PRKG1: variants seen among roughly 807,000 people sequenced by gnomAD.
PRKG1 encodes protein kinase cGMP-dependent 1.
In PRKG1, 35 loss-of-function variants were observed where a neutral mutation model predicts 88.1. The ratio of observed to expected loss-of-function variants is 0.40; its 90% confidence interval spans 0.30 to 0.53. The LOEUF is 0.53. Ranked by LOEUF, PRKG1 falls within the 20% of genes least tolerant of loss-of-function variation. PRKG1 has a pLI of 0.59. For synonymous variants in PRKG1, 303 were observed against 292.5 expected, an observed-to-expected ratio of 1.04 and a Z score of -0.37; for missense variants, 540 against 839.8, an observed-to-expected ratio of 0.64 and a Z score of 4.41.
intron 1 of PRKG1, among the ~76,000 whole-genome samples, chr10:51,090,483 T>G (rs1844373241): frequency 6.6e-6 from 1 of 152,108 alleles, no homozygotes; most frequent in African/African-American, 2.4e-5. Context: ...CATAATAATG[T>G]TATTTATTTT....
chr10:51,880,395 T>A (rs1283655579), intron 4 of PRKG1, among the ~76,000 whole-genome samples: 1 of 152,174 alleles, frequency 6.6e-6, no homozygotes, highest in African/African-American at 2.4e-5. Flanking sequence ...TGTCTGGGAC[T>A]AAGTCTACTG....
intron 3 of PRKG1, among the ~76,000 whole-genome samples, chr10:51,676,356 C>T (rs952999731): frequency 1.3e-5 from 2 of 151,244 alleles, no homozygotes; most frequent in African/African-American, 4.9e-5. Context: ...TTGGTTCAGG[C>T]CAAACAAAGA....
At position 52,180,282 on chromosome 10, in the gene PRKG1, T is replaced by C. The variant is rs113174427; in HGVS notation, c.1076+18319T>C. 1.3e-3 allele frequency among the ~76,000 whole-genome samples: 192 copies of C among 152,368 alleles called. 1 individual carries two copies. Among genetic ancestry groups the C allele is most frequent in the African/African-American group, 4.3e-3 (177 of 41,588 alleles). On this transcript the variant is annotated intron_variant, in intron 9 of 17. Coordinates refer to ENST00000373980, the MANE Select transcript of PRKG1 (RefSeq NM_006258.4). ...CTATTTGATTCTTAATATCTGTCTCTTTGTTGAATTTCTCATTCAAATCAT... is the reference window on the plus strand; with the variant it reads ...CTATTTGATTCTTAATATCTGTCTCCTTGTTGAATTTCTCATTCAAATCAT...
Position 51,009,824 on chromosome 10 carries a change from G to A in PRKG1, c.266+18180G>A, listed in dbSNP as rs536371330. On this transcript the variant is annotated intron_variant, in intron 1 of 17. Coordinates refer to the PRKG1 transcript ENST00000401604. Reference sequence around the variant, plus strand: ...ACAATGCATTGTTCAATATGGAATCGTACTTTTGGAAAGAAAATCTGCCAG... The same window carrying A: ...ACAATGCATTGTTCAATATGGAATCATACTTTTGGAAAGAAAATCTGCCAG... Among the ~76,000 whole-genome samples, 9 of 152,232 alleles carry A rather than the reference G, an allele frequency of 5.9e-5. No individual in the cohort carries two copies. In the East Asian group the frequency reaches 1.4e-3, roughly 23 times the overall value.
At chr10:51,944,913 G>A (rs1842990545) in intron 5 of PRKG1, among the ~76,000 whole-genome samples, 1 of 151,692 alleles carries the variant, frequency 6.6e-6, no homozygotes, top group South Asian at 2.1e-4. Flanking sequence ...GTGTGGTGCT[G>A]AAAAAAATGT....
chr10:51,188,244 G>T (rs528838071), intron 2 of PRKG1, among the ~76,000 whole-genome samples: 1 of 152,042 alleles, frequency 6.6e-6, no homozygotes, highest in Admixed American at 6.6e-5. Context: ...CTAGCCATGG[G>T]CTATTTTTTG....
At chr10:51,671,263 A>G (rs904964311) in intron 3 of PRKG1, among the ~76,000 whole-genome samples, 12 of 152,208 alleles carry the variant, frequency 7.9e-5, no homozygotes, top group African/African-American at 2.9e-4. Context: ...AGATGGCAAT[A>G]TAACTGCAGT....
At chr10:51,584,445 A>T (rs1838121868) in intron 3 of PRKG1, among the ~76,000 whole-genome samples, 1 of 152,098 alleles carries the variant, frequency 6.6e-6, no homozygotes, top group East Asian at 1.9e-4. Context: ...AAAGTGTAAT[A>T]TCAAAGTAAT....
intron 8 of PRKG1, among the ~76,000 whole-genome samples, chr10:52,138,506 T>G (rs564749253): frequency 6.6e-6 from 1 of 152,058 alleles, no homozygotes; most frequent in African/African-American, 2.4e-5. Flanking sequence ...ATTCTTTCCC[T>G]CAGAATCACT....
chr10:51,817,678 T>C (rs939643378), intron 4 of PRKG1, among the ~76,000 whole-genome samples: 1 of 152,186 alleles, frequency 6.6e-6, no homozygotes, highest in African/African-American at 2.4e-5. Context: ...TTGTTATTTT[T>C]AATTTATGTT....
At chr10:51,317,726 G>C (rs1841358845) in intron 2 of PRKG1, among the ~76,000 whole-genome samples, 1 of 152,178 alleles carries the variant, frequency 6.6e-6, no homozygotes, top group Non-Finnish European at 1.5e-5. Context: ...TGCAACTCCT[G>C]TCACCATGCT....
chr10:52,032,547 G>A (rs750850602), intron 5 of PRKG1, among the ~76,000 whole-genome samples: 1 of 151,842 alleles, frequency 6.6e-6, no homozygotes, highest in Non-Finnish European at 1.5e-5. Context: ...ATACACCATT[G>A]GTATATAAAA....
chr10:51,314,308 GCTGT>G (rs1388269595), intron 2 of PRKG1, among the ~76,000 whole-genome samples: 1 of 152,094 alleles, frequency 6.6e-6, no homozygotes, highest in Non-Finnish European at 1.5e-5. Flanking sequence ...ATGATCACAT[GCTGT>G]CTGTTTTTCC....
intron 3 of PRKG1, among the ~76,000 whole-genome samples, chr10:51,714,121 A>T (rs758807127): frequency 6.6e-6 from 1 of 152,058 alleles, no homozygotes; most frequent in Admixed American, 6.5e-5. Flanking sequence ...CTGGGACTAC[A>T]GGCGCCCGCC....
At chr10:52,214,357 G>C (rs1230374539) in intron 9 of PRKG1, among the ~76,000 whole-genome samples, 1 of 152,140 alleles carries the variant, frequency 6.6e-6, no homozygotes, top group Non-Finnish European at 1.5e-5. Context: ...ATGAAAATAT[G>C]CAAACAGAGA....
intron 2 of PRKG1, among the ~76,000 whole-genome samples, chr10:51,261,636 T>A (rs1172619664): frequency 6.6e-6 from 1 of 152,216 alleles, no homozygotes; most frequent in Non-Finnish European, 1.5e-5. Flanking sequence ...GCAAAGAATA[T>A]CTTAAGAACG....
intron 2 of PRKG1, among the ~76,000 whole-genome samples, chr10:51,213,246 C>T (rs914522976): frequency 9.9e-5 from 15 of 151,272 alleles, no homozygotes; most frequent in African/African-American, 2.9e-4. Flanking sequence ...TGTTTTCACT[C>T]ATAAGTGGGA....
intron 3 of PRKG1, among the ~76,000 whole-genome samples, chr10:51,717,991 C>G (rs1287315095): frequency 6.6e-6 from 1 of 152,062 alleles, no homozygotes; most frequent in East Asian, 1.9e-4. Context: ...TTAGTCCTCC[C>G]CTTCATTCAT....
chr10:51,001,433 C>T (rs2132715046), intron 1 of PRKG1, among the ~76,000 whole-genome samples: 1 of 152,274 alleles, frequency 6.6e-6, no homozygotes, highest in South Asian at 2.1e-4. Context: ...AGGGAAAAAT[C>T]TTTGATAGGA....
Sources: allele counts gnomAD v4.1 joint callset (sites outside exome capture counted in the v4.1 genomes callset), GRCh38; gene constraint gnomAD v4.1.1; transcripts MANE v1.5; gene names NCBI Gene and HGNC (gene_info 2026-07-23, HGNC 2026-07-21).